Variants in PPP1R16B observed in about 807,000 individuals in gnomAD.
The protein encoded by PPP1R16B is protein phosphatase 1 regulatory inhibitor subunit 16B.
In PPP1R16B, 14 loss-of-function variants were observed where a neutral mutation model predicts 61.7. That is an observed-to-expected ratio of 0.23 (90% CI 0.15 to 0.35). The LOEUF is 0.35. PPP1R16B is among the 10% of genes least tolerant of loss of function. The pLI, the probability that PPP1R16B is intolerant of heterozygous loss-of-function variation, is 1.00. For synonymous variants in PPP1R16B, 266 were observed against 305.3 expected, an observed-to-expected ratio of 0.87 and a Z score of 1.34; for missense variants, 547 against 752.5, an observed-to-expected ratio of 0.73 and a Z score of 3.19.
chr20:38,879,059 G>T (rs911551417), intron 2 of PPP1R16B, among the ~76,000 whole-genome samples: 2 of 152,210 alleles, frequency 1.3e-5, no homozygotes, highest in African/African-American at 4.8e-5. Flanking sequence ...GGGAGATCAG[G>T]TCCCTAGGTC....
intron 10 of PPP1R16B, among the ~76,000 whole-genome samples, chr20:38,909,888 A>T (rs1365302802): frequency 6.6e-6 from 1 of 152,204 alleles, no homozygotes; most frequent in Admixed American, 6.5e-5. Flanking sequence ...GTATCAAATC[A>T]CATTTCAGAT....
intron 1 of PPP1R16B, among the ~76,000 whole-genome samples, chr20:38,810,080 T>G (rs1402407037): frequency 1.3e-5 from 2 of 151,804 alleles, no homozygotes; most frequent in African/African-American, 4.8e-5. Flanking sequence ...TTCGTTGCTA[T>G]TATTAGTCTA....
At chr20:38,810,299 G>T (rs1197844644) in intron 1 of PPP1R16B, among the ~76,000 whole-genome samples, 1 of 152,256 alleles carries the variant, frequency 6.6e-6, no homozygotes, top group Admixed American at 6.5e-5. Context: ...GCAGAAGCAA[G>T]GCCAGGGAGG....
At chr20:38,906,753 T>G (rs1426721913) in intron 7 of PPP1R16B, among the ~76,000 whole-genome samples, 2 of 152,194 alleles carry the variant, frequency 1.3e-5, no homozygotes, top group African/African-American at 4.8e-5. Flanking sequence ...AGCCAACTCT[T>G]TCTTCTCCTT....
chr20:38,896,331 T>C (rs1001752115), intron 4 of PPP1R16B, among the ~76,000 whole-genome samples: 4 of 150,952 alleles, frequency 2.6e-5, no homozygotes, highest in Non-Finnish European at 5.9e-5. Context: ...TTCTCTTTTT[T>C]TCTCTCTCTC....
rs1337465981 is a variant in PPP1R16B, at chr20:38,825,713, G to A, written c.-101-10112G>A. On this transcript the variant is annotated intron_variant, in intron 1 of 10. Transcript: ENST00000299824. ...TTGGATGATATTCTGGGATTTGAAG[G>A]GCCTTTCCACTCATACCTGATAACT... Among the ~76,000 whole-genome samples the A allele has an allele frequency of 5.9e-5, 9 of 152,174 alleles. No individual in the cohort carries two copies. The East Asian group carries it at 1.4e-3, about 23-fold the overall frequency.
rs1257774800 is a variant in PPP1R16B, at chr20:38,835,773, G to A, written c.-101-52G>A. 5.4e-6 allele frequency: 5 copies of A among 931,280 alleles called. No individual in the cohort carries two copies. The East Asian group carries it at 1.3e-4, about 25-fold the overall frequency. The allele number at this position is 931,280 out of a possible 1,614,324, so 57.7% of individuals were successfully genotyped here. ...GGGGCGTTGGGGGACGATCAGATCT[G>A]AGTTGTGGAGTCTGACACATGTGTT... On this transcript the variant is annotated intron_variant, in intron 1 of 10. Coordinates refer to ENST00000299824, the MANE Select transcript of PPP1R16B (RefSeq NM_015568.4).
chr20:38,865,611 T>C (rs532500203), intron 2 of PPP1R16B, among the ~76,000 whole-genome samples: 21 of 152,274 alleles, frequency 1.4e-4, no homozygotes, highest in African/African-American at 5.1e-4. Flanking sequence ...TTTAGATGCG[T>C]CACCTGGTAC....
Position 38,918,829 on chromosome 20 carries a change from C to A in PPP1R16B, c.*163C>A. The stretch of plus-strand genomic sequence containing the variant: ...CCTCAGCTGGCTGCCCATAGCATCC[C>A]ATGTCCCACGTCCCGTGGTTCTGCT... On this transcript the variant is annotated 3_prime_UTR_variant, in exon 11 of 11. Coordinates refer to ENST00000299824, the MANE Select transcript of PPP1R16B (RefSeq NM_015568.4). This position sits in a 1 kb window ranked among gnomAD's most constrained non-coding sequence, Gnocchi z 5.3. 2 of 839,478 alleles carry A rather than the reference C, an allele frequency of 2.4e-6. No individual in the cohort carries two copies. Among genetic ancestry groups the A allele is most frequent in the Non-Finnish European group, 3.3e-6 (2 of 600,932 alleles). 52.0% of individuals were successfully genotyped at this position (839,478 alleles called of 1,614,324 possible). A position where few individuals can be genotyped will look rare whatever the true frequency, so the allele number is the denominator to read the frequency against.
intron 2 of PPP1R16B, among the ~76,000 whole-genome samples, chr20:38,883,367 T>C (rs2085217053): frequency 6.6e-6 from 1 of 152,262 alleles, no homozygotes; most frequent in South Asian, 2.1e-4. Context: ...TCAGCGGTGA[T>C]GTCTCCCTGC....
chr20:38,888,942 T>G (rs1256741604), intron 2 of PPP1R16B, among the ~76,000 whole-genome samples: 1 of 144,298 alleles, frequency 6.9e-6, no homozygotes, highest in Non-Finnish European at 1.5e-5. Context: ...TAGACAAAAT[T>G]CTAGGGATTG....
intron 2 of PPP1R16B, among the ~76,000 whole-genome samples, chr20:38,856,949 G>A (rs1175008457): frequency 6.6e-6 from 1 of 152,210 alleles, no homozygotes; most frequent in Non-Finnish European, 1.5e-5. Context: ...TCTGGTTTGG[G>A]AGTGAAAGCT....
intron 2 of PPP1R16B, chr20:38,838,389 G>A (rs1412883343): frequency 1.3e-5 from 2 of 152,308 alleles, no homozygotes; most frequent in African/African-American, 4.8e-5. Flanking sequence ...TTGCTCTTCA[G>A]GTTCTAGAAC....
chr20:38,813,288 T>G (rs572663267), intron 1 of PPP1R16B, among the ~76,000 whole-genome samples: 3 of 152,352 alleles, frequency 2.0e-5, no homozygotes, highest in Admixed American at 2.0e-4. Context: ...CAAAAACATG[T>G]ATCCAGGTAC....
intron 1 of PPP1R16B, among the ~76,000 whole-genome samples, chr20:38,807,106 C>G (rs917178327): frequency 2.0e-5 from 3 of 152,186 alleles, no homozygotes; most frequent in African/African-American, 7.2e-5. Context: ...GCAGGGCTCT[C>G]CCTGGAAAGG....
chr20:38,902,531 T>C, intron 5 of PPP1R16B, 137 bp from the exon 6 acceptor site: 2 of 1,215,938 alleles, frequency 1.6e-6, no homozygotes, highest in Non-Finnish European at 2.3e-6. Context: ...AAGACAATGA[T>C]CTATGGGCAT....
At chr20:38,844,005 AAGTAGT>A (rs923276212) in intron 2 of PPP1R16B, among the ~76,000 whole-genome samples, 2 of 152,250 alleles carry the variant, frequency 1.3e-5, no homozygotes, top group African/African-American at 4.8e-5. Flanking sequence ...TAAACTCAAC[AAGTAGT>A]AGTTTCTTAA....
chr20:38,891,636 C>G (rs915161767), intron 3 of PPP1R16B, among the ~76,000 whole-genome samples: 2 of 152,024 alleles, frequency 1.3e-5, no homozygotes, highest in African/African-American at 4.8e-5. Context: ...CCTGTCTTTA[C>G]TAAAAATACA....
At chr20:38,859,641 G>A (rs1414802799) in intron 2 of PPP1R16B, among the ~76,000 whole-genome samples, 17 of 152,132 alleles carry the variant, frequency 1.1e-4, no homozygotes, top group Non-Finnish European at 1.2e-4. Flanking sequence ...ACAGGCACAT[G>A]CCACCACACC....
Sources: gnomAD v4.1 joint callset for allele counts (sites outside exome capture counted in the v4.1 genomes callset) on GRCh38, gnomAD v4.1.1 for gene constraint, Gnocchi (gnomAD v3.1) non-coding constraint, MANE v1.5 for transcripts, NCBI Gene and HGNC (gene_info 2026-07-23, HGNC 2026-07-21) for gene names.